Variants in C12orf42 observed in about 807,000 individuals in gnomAD.
C12orf42 encodes chromosome 12 open reading frame 42, also known as uncharacterized protein C12orf42.
A neutral mutation model predicts 21.6 loss-of-function variants in C12orf42; 25 were observed. The ratio of observed to expected loss-of-function variants is 1.16; its 90% CI spans 0.84 to 1.62. C12orf42 has a LOEUF of 1.62. Among genes scored for constraint, C12orf42 ranks in the 40% most tolerant of loss-of-function variants. C12orf42 has a pLI of 0.00. For missense variants in C12orf42, 483 were observed against 459.3 expected, an observed-to-expected ratio of 1.05 and a Z score of -0.47; for synonymous variants, 174 against 175.0, an observed-to-expected ratio of 0.99 and a Z score of 0.05.
In C12orf42 at chr12:103,306,264, A is replaced by G; in HGVS notation, c.341T>C (p.Val114Ala). The change falls in exon 5 of 6, where the codon GTA (valine) becomes GCA (alanine). Residue 114 changes from valine to alanine, a missense_variant. By Grantham distance (64) the Val-to-Ala change is moderately conservative. Coordinates refer to ENST00000548883, the MANE Select transcript of C12orf42 (RefSeq NM_198521.5). ...TCQYIVPRCS[V>A]STVSFDEESY... The stretch of plus-strand genomic sequence containing the variant: ...TTCTTCATCAAAAGAAACTGTGCTT[A>G]CAGAACACCTGGGGACTATGTACTG... 6.2e-7 allele frequency: 1 copy of G among 1,613,852 alleles called. No individual in the cohort carries two copies. The highest frequency in any genetic ancestry group is 8.5e-7 in the Non-Finnish European group (1 of 1,179,840).
intron 3 of C12orf42, among the ~76,000 whole-genome samples, chr12:103,388,654 A>G (rs1366826508): frequency 6.6e-6 from 1 of 152,020 alleles, no homozygotes; most frequent in Admixed American, 6.6e-5. Context: ...TACCTTTTCT[A>G]CTCTACTGCT....
At chr12:103,440,613 C>T (rs2137287611) in intron 2 of C12orf42, among the ~76,000 whole-genome samples, 1 of 152,156 alleles carries the variant, frequency 6.6e-6, no homozygotes, top group Non-Finnish European at 1.5e-5. Flanking sequence ...ATGTGCACTA[C>T]AAATCCATGA....
the C12orf42 span, among the ~76,000 whole-genome samples, chr12:103,075,309 A>G: frequency 6.6e-6 from 1 of 151,960 alleles, no homozygotes; most frequent in Non-Finnish European, 1.5e-5. Flanking sequence ...TCCTCTTTTA[A>G]TGAAATCATC....
At chr12:103,198,905 G>A in the C12orf42 span, among the ~76,000 whole-genome samples, 2 of 152,098 alleles carry the variant, frequency 1.3e-5, no homozygotes, top group African/African-American at 2.4e-5. Context: ...TCTAGGTGGG[G>A]GCAGCTCTTC....
At chr12:103,191,890 A>G in the C12orf42 span, among the ~76,000 whole-genome samples, 65 of 152,308 alleles carry the variant, frequency 4.3e-4, no homozygotes, top group Non-Finnish European at 6.5e-4. Context: ...GAGTTTTTGT[A>G]TGTGACTGAA....
At chr12:103,100,492 T>G in the C12orf42 span, among the ~76,000 whole-genome samples, 5 of 152,246 alleles carry the variant, frequency 3.3e-5, no homozygotes, top group Admixed American at 1.3e-4. Flanking sequence ...GAGCGGTCAC[T>G]CCTGATGTGT....
intron 4 of C12orf42, among the ~76,000 whole-genome samples, chr12:103,306,737 T>A (rs2038377357): frequency 1.3e-5 from 2 of 152,148 alleles, no homozygotes; most frequent in Admixed American, 6.5e-5. Flanking sequence ...AAAAGATATA[T>A]TAAAGTCCTA....
At position 103,464,001 on chromosome 12, in the gene C12orf42, T is replaced by C. The variant is rs1287774527; in HGVS notation, c.78+14348A>G. On this transcript the variant is annotated intron_variant, in intron 2 of 5. Coordinates refer to ENST00000548883, the MANE Select transcript of C12orf42 (RefSeq NM_198521.5). ...GATGGGTATTTGGGTTGATTCCATG[T>C]CTTTGCTATTGTGAATAGCGCTGTA... Among the ~76,000 whole-genome samples the C allele has an allele frequency of 4.6e-5, 7 of 152,220 alleles. No individual in the cohort carries two copies. The East Asian group carries it at 5.8e-4, about 13-fold the overall frequency.
rs2034916282 is a variant in C12orf42, at chr12:103,261,849, C to T, written c.*1366+1477G>A. 2.6e-5 allele frequency among the ~76,000 whole-genome samples: 4 copies of T among 152,132 alleles called. No homozygotes were observed. The South Asian group carries it at 8.3e-4, about 32-fold the overall frequency. ...AGAAGGAAAGTTGAGGATTACTATT[C>T]AACACATTAATTTTAGAGAAGATGA... On this transcript the variant is annotated intron_variant and NMD_transcript_variant, in intron 10 of 10. Coordinates refer to the C12orf42 transcript ENST00000547347.
chr12:103,524,219 C>T, the C12orf42 span, among the ~76,000 whole-genome samples: 1 of 152,176 alleles, frequency 6.6e-6, no homozygotes, highest in Non-Finnish European at 1.5e-5. Flanking sequence ...AGTTCACCTA[C>T]AAAGAAAGAT....
At chr12:103,428,195 A>C (rs1949993013) in intron 2 of C12orf42, among the ~76,000 whole-genome samples, 1 of 152,168 alleles carries the variant, frequency 6.6e-6, no homozygotes, top group African/African-American at 2.4e-5. Flanking sequence ...TTTTTTGAAA[A>C]GACTAGCAAG....
Position 103,434,871 on chromosome 12 carries a change from G to A in C12orf42, c.79-33196C>T, listed in dbSNP as rs538805089. Among the ~76,000 whole-genome samples, 862 of 152,318 alleles carry A rather than the reference G, an allele frequency of 5.7e-3. 8 individuals are homozygous for A. Among genetic ancestry groups the A allele is most frequent in the African/African-American group, 0.019 (808 of 41,570 alleles). On this transcript the variant is annotated intron_variant, in intron 2 of 5. Transcript: ENST00000548883. ...GCTTGCTTAGGTAAACAAAGCAGCC[G>A]GGAAGCTCGAACTGGGTGGAGCCCA... is the stretch of plus-strand genomic sequence containing the variant.
intron 10 of C12orf42, among the ~76,000 whole-genome samples, chr12:103,238,940 G>A (rs1314358913): frequency 2.0e-5 from 3 of 152,192 alleles, no homozygotes; most frequent in Admixed American, 1.3e-4. Flanking sequence ...TGCAGATGTC[G>A]ACCATGGCTG....
chr12:103,554,067 T>A, the C12orf42 span, among the ~76,000 whole-genome samples: 6 of 152,140 alleles, frequency 3.9e-5, no homozygotes, highest in Admixed American at 1.3e-4. Flanking sequence ...AACCTTCCTA[T>A]AAAGAACCAG....
intron 4 of C12orf42, among the ~76,000 whole-genome samples, chr12:103,345,431 C>T (rs919414458): frequency 3.3e-5 from 5 of 152,100 alleles, no homozygotes; most frequent in Non-Finnish European, 4.4e-5. Flanking sequence ...ATGATGTGCT[C>T]ATCATTATTA....
downstream of C12orf42, among the ~76,000 whole-genome samples, chr12:103,236,026 C>T (rs1331265162): frequency 2.0e-5 from 3 of 152,126 alleles, no homozygotes; most frequent in South Asian, 2.1e-4. Context: ...AGCCCAGTTA[C>T]CATTGAGGAA....
chr12:103,087,398 T>C, the C12orf42 span, among the ~76,000 whole-genome samples: 27 of 152,158 alleles, frequency 1.8e-4, no homozygotes, highest in African/African-American at 6.5e-4. Context: ...GTGAGAAACA[T>C]GGAGCAGAAG....
chr12:103,447,032 CATTCTATGCAACAACTG>C (rs1565842722), intron 2 of C12orf42, among the ~76,000 whole-genome samples: 3 of 151,978 alleles, frequency 2.0e-5, no homozygotes, highest in Non-Finnish European at 4.4e-5. Context: ...ATTTGCAGAA[CATTCTATGCAACAACTG>C]CAGAATATAC....
intron 4 of C12orf42, among the ~76,000 whole-genome samples, chr12:103,346,727 A>G (rs951310730): frequency 2.0e-5 from 3 of 152,208 alleles, no homozygotes; most frequent in Middle Eastern, 3.2e-3. Flanking sequence ...ACATGGTTGC[A>G]CTACAATACG....
Sources: allele counts gnomAD v4.1 joint callset (sites outside exome capture counted in the v4.1 genomes callset), GRCh38; gene constraint gnomAD v4.1.1; transcripts MANE v1.5; gene names NCBI Gene and HGNC (gene_info 2026-07-23, HGNC 2026-07-21).